The following PTTG1IP variants were observed in gnomAD, a reference collection of about 807,000 sequenced individuals.
PTTG1IP encodes PTTG1 interacting protein.
Under a neutral mutation model 24.4 loss-of-function variants are expected in PTTG1IP, and 16 were observed. That is an observed-to-expected ratio of 0.66 (90% confidence interval 0.44 to 1.00). The LOEUF is 1.00. Among genes scored for constraint, PTTG1IP ranks in the 50% least tolerant of loss-of-function variants. The pLI is 0.00. For missense variants in PTTG1IP, 241 were observed against 245.8 expected (o/e 0.98, Z 0.13); for synonymous variants, 89 against 96.8 (o/e 0.92, Z 0.47).
intron 2 of PTTG1IP, among the ~76,000 whole-genome samples, chr21:44,865,004 TGTG>T (rs2083524146): frequency 6.6e-6 from 1 of 152,182 alleles, no homozygotes; most frequent in South Asian, 2.1e-4. Context: ...CTTCCAATCC[TGTG>T]TGAGCAGCTG....
At chr21:44,854,975 A>G (rs2083438042) in intron 5 of PTTG1IP, among the ~76,000 whole-genome samples, 1 of 152,216 alleles carries the variant, frequency 6.6e-6, no homozygotes, top group Admixed American at 6.5e-5. Context: ...GCAAACAGCT[A>G]TCTGAGAAAA....
intron 1 of PTTG1IP, among the ~76,000 whole-genome samples, chr21:44,872,494 G>A (rs1447039642): frequency 2.0e-5 from 3 of 152,132 alleles, no homozygotes; most frequent in Non-Finnish European, 2.9e-5. Flanking sequence ...TGAAGTTAAG[G>A]TGGCACTATT....
chr21:44,855,124 C>T (rs747000094), intron 5 of PTTG1IP, 86 bp downstream of exon 5: 2 of 1,406,922 alleles, frequency 1.4e-6, no homozygotes, highest in African/African-American at 1.4e-5. Context: ...ACAGCCCCAT[C>T]TCAGGCCACA....
intron 5 of PTTG1IP, among the ~76,000 whole-genome samples, chr21:44,854,353 G>A (rs2083433028): frequency 6.6e-6 from 1 of 152,236 alleles, no homozygotes. Flanking sequence ...GTGGGCGCAG[G>A]ACGACAGATT....
intron 5 of PTTG1IP, among the ~76,000 whole-genome samples, chr21:44,852,207 A>T (rs1019108619): frequency 6.7e-6 from 1 of 150,324 alleles, no homozygotes; most frequent in East Asian, 1.9e-4. Flanking sequence ...TTTGAGACAG[A>T]GTTTTGCTCT....
At position 44,865,732 on chromosome 21, in the gene PTTG1IP, A is replaced by G. The variant is rs1032934967; in HGVS notation, c.116-285T>C. Reference sequence around the variant, plus strand: ...TGGGAGAGAAGAGTGCCAACACAGAAGGCTGTGTTTCAGATCTCTCTGTGA... The same window carrying G: ...TGGGAGAGAAGAGTGCCAACACAGAGGGCTGTGTTTCAGATCTCTCTGTGA... On this transcript the variant is annotated intron_variant, in intron 1 of 5. Transcript: ENST00000330938. The G allele has an allele frequency of 1.1e-5, 6 of 542,686 alleles. No individual in the cohort carries two copies. In the African/African-American group the frequency reaches 1.1e-4, roughly 10 times the overall value. 33.6% of individuals were successfully genotyped at this position (542,686 alleles called of 1,614,324 possible).
At chr21:44,860,106 C>A (rs145170020) in intron 3 of PTTG1IP, among the ~76,000 whole-genome samples, 2 of 152,180 alleles carry the variant, frequency 1.3e-5, no homozygotes, top group Admixed American at 1.3e-4. Context: ...CAGTGGCTCA[C>A]GCCTGTAATC....
In PTTG1IP at chr21:44,865,434, G is replaced by A; in HGVS notation, c.129C>T (p.Asn43=). 1 of 1,614,166 alleles carries A rather than the reference G, an allele frequency of 6.2e-7. No homozygotes were observed. Among genetic ancestry groups the A allele is most frequent in the Non-Finnish European group, 8.5e-7 (1 of 1,180,012 alleles). The part of the protein sequence containing the change: ...QEPPGAACSQ[N]TNKTCEECLK... Reference sequence around the variant, plus strand: ...GGCACTCTTCACAGGTTTTGTTTGTGTTCTGAGAACAAGCTGCAGGAAAGA... The same window carrying A: ...GGCACTCTTCACAGGTTTTGTTTGTATTCTGAGAACAAGCTGCAGGAAAGA... The change falls in exon 2 of 6, where the codon AAC becomes AAT. Residue 43 remains asparagine, a synonymous_variant. Coordinates refer to ENST00000330938, the MANE Select transcript of PTTG1IP (RefSeq NM_004339.4).
At chr21:44,865,556 C>G (rs2083529395) in intron 1 of PTTG1IP, 109 bp from the exon 2 acceptor site, 6 of 1,081,040 alleles carry the variant, frequency 5.6e-6, no homozygotes, top group Non-Finnish European at 7.0e-6. Flanking sequence ...CCAAGAACCT[C>G]TGATGTGGAA....
At chr21:44,864,288 G>A (rs558898939) in intron 2 of PTTG1IP, among the ~76,000 whole-genome samples, 3 of 152,364 alleles carry the variant, frequency 2.0e-5, no homozygotes, top group Admixed American at 2.0e-4. Context: ...GGGTGCTGCC[G>A]AACCAAGAGC....
At chr21:44,861,032 G>T in intron 3 of PTTG1IP, 131 bp downstream of exon 3, 1 of 641,364 alleles carries the variant, frequency 1.6e-6, no homozygotes, top group Non-Finnish European at 2.7e-6. Flanking sequence ...TCAATCTCCT[G>T]ACCTCTTGAT....
At chr21:44,865,346 T>C in intron 2 of PTTG1IP, 49 bp downstream of exon 2, 8 of 1,585,036 alleles carry the variant, frequency 5.0e-6, no homozygotes, top group Non-Finnish European at 6.9e-6. Flanking sequence ...CCCGTGTGCC[T>C]TTGGACGGTC....
chr21:44,861,152 C>T lies in PTTG1IP; in HGVS notation c.277+11G>A, dbSNP rs780746972. On this transcript the variant is annotated intron_variant, in intron 3 of 5. Transcript: ENST00000330938. ...CGATTTTGCAAGCAGCAAATGAAAA[C>T]AATGACTTACCCCAACAAACTCCCC... 65 of 1,603,108 alleles carry T rather than the reference C, an allele frequency of 4.1e-5. No individual in the cohort carries two copies. Among genetic ancestry groups the T allele is most frequent in the Non-Finnish European group, 5.4e-5 (63 of 1,173,670 alleles).
intron 2 of PTTG1IP, among the ~76,000 whole-genome samples, chr21:44,862,998 G>A (rs975622669): frequency 5.3e-5 from 8 of 151,408 alleles, no homozygotes; most frequent in African/African-American, 2.0e-4. Flanking sequence ...TCTGGTGGTT[G>A]TGCTGCTTTT....
chr21:44,864,684 A>C (rs1014018061), intron 2 of PTTG1IP, among the ~76,000 whole-genome samples: 1 of 152,220 alleles, frequency 6.6e-6, no homozygotes, highest in African/African-American at 2.4e-5. Context: ...GGCGTGAGCC[A>C]CTGCACCCAG....
chr21:44,867,501 T>C (rs2083551677), intron 1 of PTTG1IP, among the ~76,000 whole-genome samples: 1 of 152,132 alleles, frequency 6.6e-6, no homozygotes, highest in African/African-American at 2.4e-5. Context: ...TGGGTGTAAC[T>C]CACTGAACAG....
chr21:44,852,745 C>T (rs2083420377), intron 5 of PTTG1IP, among the ~76,000 whole-genome samples: 1 of 151,934 alleles, frequency 6.6e-6, no homozygotes, highest in South Asian at 2.1e-4. Context: ...TATTGAAAAA[C>T]TCGCTCCTGA....
At chr21:44,856,580 C>T (rs762165280) in intron 3 of PTTG1IP, among the ~76,000 whole-genome samples, 22 of 152,212 alleles carry the variant, frequency 1.4e-4, no homozygotes, top group Non-Finnish European at 2.8e-4. Context: ...TTCAGCCACA[C>T]GTTCCTATCT....
intron 5 of PTTG1IP, among the ~76,000 whole-genome samples, chr21:44,852,307 G>A (rs1053112720): frequency 8.6e-5 from 13 of 151,878 alleles, no homozygotes; most frequent in Admixed American, 3.9e-4. Flanking sequence ...CTCAGCCTCC[G>A]GGTAGCTAGG....
Sources: gnomAD v4.1 joint callset for allele counts (sites outside exome capture counted in the v4.1 genomes callset) on GRCh38, gnomAD v4.1.1 for gene constraint, MANE v1.5 for transcripts, NCBI Gene and HGNC (gene_info 2026-07-23, HGNC 2026-07-21) for gene names.